The following ZNF804B variants were observed in gnomAD, a reference collection of about 807,000 sequenced individuals.
ZNF804B encodes the protein zinc finger protein 804B, also known as zinc finger 804B.
A neutral mutation model predicts 101.4 loss-of-function variants in ZNF804B; 80 were observed. The observed-to-expected ratio is 0.79, with a 90% CI of 0.66 to 0.95. ZNF804B has a LOEUF of 0.95. ZNF804B is among the 40% of genes least tolerant of loss of function. The probability of loss-of-function intolerance (pLI) is 0.00; values close to 1 mark genes in which losing one functional copy is unlikely to be tolerated. For synonymous variants in ZNF804B, 622 were observed against 558.8 expected (o/e 1.11, Z -1.59); for missense variants, 1,673 against 1,561.9 (o/e 1.07, Z -1.20).
At chr7:89,083,809 T>C (rs1789733881) in intron 1 of ZNF804B, among the ~76,000 whole-genome samples, 5 of 152,036 alleles carry the variant, frequency 3.3e-5, no homozygotes, top group African/African-American at 1.2e-4. Context: ...CTTCTATTTG[T>C]CTTTGTGTTG....
intron 1 of ZNF804B, among the ~76,000 whole-genome samples, chr7:88,780,206 C>G (rs1463781345): frequency 1.3e-5 from 2 of 151,828 alleles, no homozygotes; most frequent in African/African-American, 2.4e-5. Context: ...AAAAGGGAAC[C>G]CTTGTACACT....
intron 1 of ZNF804B, among the ~76,000 whole-genome samples, chr7:89,132,634 A>G (rs1790571545): frequency 6.6e-6 from 1 of 152,028 alleles, no homozygotes. Flanking sequence ...TTATGTGAGC[A>G]GTTTTGAGAA....
chr7:88,825,200 A>G (rs1231276099), intron 1 of ZNF804B, among the ~76,000 whole-genome samples: 2 of 152,138 alleles, frequency 1.3e-5, no homozygotes, highest in African/African-American at 4.8e-5. Context: ...CTCATTTTCC[A>G]GAATCACATT....
intron 2 of ZNF804B, among the ~76,000 whole-genome samples, chr7:89,227,546 C>T (rs1789113801): frequency 6.6e-6 from 1 of 152,088 alleles, no homozygotes; most frequent in South Asian, 2.1e-4. Context: ...ATCAGATGTT[C>T]TACATGCTAT....
intron 1 of ZNF804B, among the ~76,000 whole-genome samples, chr7:88,838,717 T>C (rs1175572967): frequency 1.3e-5 from 2 of 151,916 alleles, no homozygotes; most frequent in African/African-American, 2.4e-5. Context: ...CCCTGTAAAC[T>C]CTTTGTGCCT....
chr7:88,983,767 G>T (rs1251858885), intron 1 of ZNF804B, among the ~76,000 whole-genome samples: 1 of 151,716 alleles, frequency 6.6e-6, no homozygotes, highest in African/African-American at 2.4e-5. Context: ...TTATATATAT[G>T]GTTCACATTA....
chr7:89,215,022 T>G (rs1157896491), intron 1 of ZNF804B, among the ~76,000 whole-genome samples: 1 of 152,208 alleles, frequency 6.6e-6, no homozygotes, highest in Non-Finnish European at 1.5e-5. Context: ...GAGATTTCTA[T>G]CCTTATAATT....
chr7:89,326,931 C>T (rs887296480), intron 2 of ZNF804B, among the ~76,000 whole-genome samples: 2 of 148,290 alleles, frequency 1.3e-5, no homozygotes, highest in Non-Finnish European at 2.9e-5. Flanking sequence ...GCTTATTCCA[C>T]CCAGTGTATT....
intron 1 of ZNF804B, among the ~76,000 whole-genome samples, chr7:88,911,053 T>G (rs1409547885): frequency 2.0e-5 from 3 of 152,042 alleles, no homozygotes; most frequent in Admixed American, 2.0e-4. Flanking sequence ...TGTGATTTGT[T>G]GTTTTCAATC....
chr7:88,952,507 T>G (rs1214267811), intron 1 of ZNF804B, among the ~76,000 whole-genome samples: 1 of 151,832 alleles, frequency 6.6e-6, no homozygotes. Context: ...TAAAATATCT[T>G]TTATGTTTTA....
At chr7:88,940,615 A>G (rs2116044515) in intron 1 of ZNF804B, among the ~76,000 whole-genome samples, 1 of 151,800 alleles carries the variant, frequency 6.6e-6, no homozygotes, top group East Asian at 1.9e-4. Flanking sequence ...ACAAAACTTA[A>G]AAGATTAGCT....
chr7:88,774,343 A>G (rs1166058143), intron 1 of ZNF804B, among the ~76,000 whole-genome samples: 1 of 152,072 alleles, frequency 6.6e-6, no homozygotes, highest in Non-Finnish European at 1.5e-5. Context: ...AAGTGTGATC[A>G]GCTAGAGGCT....
At chr7:88,825,303 A>G (rs1481653619) in intron 1 of ZNF804B, among the ~76,000 whole-genome samples, 4 of 152,150 alleles carry the variant, frequency 2.6e-5, no homozygotes, top group African/African-American at 7.2e-5. Context: ...CTCTCTCTCA[A>G]TAATCTCCAA....
At chr7:88,788,040 G>A (rs10236920) in intron 1 of ZNF804B, among the ~76,000 whole-genome samples, 3,120 of 152,128 alleles carry the variant, frequency 0.021, 100 homozygotes, top group African/African-American at 0.071. Flanking sequence ...TTTGGAGAGT[G>A]GTTCATTTTA....
chr7:88,957,064 A>G (rs766568948), intron 1 of ZNF804B, among the ~76,000 whole-genome samples: 4 of 151,516 alleles, frequency 2.6e-5, no homozygotes, highest in Non-Finnish European at 5.9e-5. Context: ...AAGCTCAATG[A>G]TTAGACTTTG....
chr7:88,785,572 A>G (rs1790289409), intron 1 of ZNF804B, among the ~76,000 whole-genome samples: 1 of 152,098 alleles, frequency 6.6e-6, no homozygotes, highest in Admixed American at 6.6e-5. Flanking sequence ...ATTTCTATTA[A>G]GATAAGGTCA....
chr7:89,272,468 A>G (rs1789913376), intron 2 of ZNF804B, among the ~76,000 whole-genome samples: 1 of 152,120 alleles, frequency 6.6e-6, no homozygotes, highest in Non-Finnish European at 1.5e-5. Context: ...CACAGATAGA[A>G]CAGGAGCCAA....
intron 1 of ZNF804B, among the ~76,000 whole-genome samples, chr7:89,149,541 T>C (rs1790839941): frequency 6.6e-6 from 1 of 152,048 alleles, no homozygotes; most frequent in South Asian, 2.1e-4. Flanking sequence ...GCACAGGCAG[T>C]TTTATTTCAT....
At chr7:89,312,266 G>C (rs1014801233) in intron 2 of ZNF804B, among the ~76,000 whole-genome samples, 1 of 152,182 alleles carries the variant, frequency 6.6e-6, no homozygotes, top group Admixed American at 6.6e-5. Context: ...AGGCCTGGCT[G>C]TATCGCTCCA....
Sources: gnomAD v4.1 joint callset for allele counts (sites outside exome capture counted in the v4.1 genomes callset) on GRCh38, gnomAD v4.1.1 for gene constraint, MANE v1.5 for transcripts, NCBI Gene and HGNC (gene_info 2026-07-23, HGNC 2026-07-21) for gene names.